Variants in MIS18BP1 observed in about 807,000 individuals in gnomAD.
MIS18BP1 encodes the protein MIS18 binding protein 1, also known as mis18-binding protein 1.
A neutral mutation model predicts 116.1 loss-of-function variants in MIS18BP1; 72 were observed. The observed-to-expected ratio is 0.62, with a 90% CI of 0.51 to 0.75. MIS18BP1 has a LOEUF of 0.75. Ranked by LOEUF, MIS18BP1 falls within the 30% of genes least tolerant of loss-of-function variation. The pLI is 0.00. For missense variants in MIS18BP1, 1,363 were observed against 1,303.2 expected, an observed-to-expected ratio of 1.05 and a Z score of -0.71; for synonymous variants, 386 against 427.0, an observed-to-expected ratio of 0.90 and a Z score of 1.18.
intron 1 of MIS18BP1, among the ~76,000 whole-genome samples, chr14:45,251,493 G>T (rs1208153864): frequency 8.5e-5 from 13 of 152,092 alleles, no homozygotes; most frequent in Non-Finnish European, 1.2e-4. Context: ...GAAAGTTCTT[G>T]TAAGAATTTA....
rs1257096195 is a variant in MIS18BP1 at position 45,204,154 on chromosome 14, A to G, written c.3354T>C (p.Asp1118=). 1.9e-6 allele frequency: 3 copies of G among 1,611,726 alleles called. No individual in the cohort carries two copies. In the African/African-American group the frequency reaches 4.0e-5, roughly 22 times the overall value. Residue 1118 remains aspartate (D), a synonymous_variant, in exon 17 of 17, where the codon GAT becomes GAC. Transcript: ENST00000310806. ...KLFTNAVESL[D]EEEKDYYFSN... Reference sequence around the variant, plus strand: ...AAAAATAATAATCTTTCTCTTCTTCATCTAAAGATTCCACAGCATTAGTGA... The same window carrying G: ...AAAAATAATAATCTTTCTCTTCTTCGTCTAAAGATTCCACAGCATTAGTGA...
chr14:45,246,995 T>G lies in MIS18BP1; in HGVS notation c.292A>C (p.Asn98His). Residue 98 changes from asparagine (N) to histidine (H), a missense_variant, in exon 2 of 17, where the codon AAC becomes CAC. Physicochemically the swap from Asn to His is moderately conservative, Grantham distance 68. Transcript: ENST00000310806. ...SSLDISAIKP[N>H]KDGLKNKANY... ...GCTTTATTTTTTAATCCATCCTTGT[T>G]GGGCTTTATAGCACTGATATCAAGA... 1 of 1,612,710 alleles carries G rather than the reference T, an allele frequency of 6.2e-7. No homozygotes were observed. The highest frequency in any genetic ancestry group is 8.5e-7 in the Non-Finnish European group (1 of 1,179,780).
intron 5 of MIS18BP1, 131 bp downstream of exon 5, chr14:45,237,516 AC>A (rs1891461863): frequency 1.9e-6 from 2 of 1,046,724 alleles, no homozygotes; most frequent in Non-Finnish European, 2.6e-6. Context: ...CAGTAATTTT[AC>A]TTTTTTGCCT....
intron 1 of MIS18BP1, among the ~76,000 whole-genome samples, chr14:45,248,728 T>C (rs1038265417): frequency 4.6e-5 from 7 of 152,146 alleles, no homozygotes; most frequent in African/African-American, 1.4e-4. Flanking sequence ...AAGGAAAATA[T>C]TCCTAAATTA....
At chr14:45,242,635 GTC>G (rs1891613323) in intron 3 of MIS18BP1, 117 bp from the exon 4 acceptor site, 1 of 1,460,026 alleles carries the variant, frequency 6.8e-7, no homozygotes, top group Non-Finnish European at 9.1e-7. Context: ...TTCTCTGAGT[GTC>G]TCTTTTACGA....
chr14:45,235,584 C>T (rs1424569588), intron 6 of MIS18BP1, among the ~76,000 whole-genome samples: 1 of 120,028 alleles, frequency 8.3e-6, no homozygotes, highest in Non-Finnish European at 1.7e-5. Flanking sequence ...AGCAAGACTC[C>T]ATTTCCAAAA....
intron 2 of MIS18BP1, among the ~76,000 whole-genome samples, chr14:45,243,758 T>C (rs568052716): frequency 4.6e-5 from 7 of 152,262 alleles, no homozygotes; most frequent in South Asian, 2.1e-4. Flanking sequence ...AATTCAGTAG[T>C]AATTCAATCA....
chr14:45,240,815 T>C (rs1891555410), intron 4 of MIS18BP1, among the ~76,000 whole-genome samples: 1 of 151,988 alleles, frequency 6.6e-6, no homozygotes, highest in South Asian at 2.1e-4. Context: ...GGCAGGAGAT[T>C]TGCATGAACC....
Position 45,233,868 on chromosome 14 carries a change from T to C in MIS18BP1, c.1349-1048A>G, listed in dbSNP as rs958135532. ...GTCAAATAAGCAGGTGGAAAATGAA[T>C]TGGGTACTAAGGGGAGAGGTCTTGG... is the stretch of plus-strand genomic sequence containing the variant. On this transcript the variant is annotated intron_variant, in intron 6 of 16. Coordinates refer to ENST00000310806, the MANE Select transcript of MIS18BP1 (RefSeq NM_018353.5). 2.6e-5 allele frequency among the ~76,000 whole-genome samples: 4 copies of C among 152,218 alleles called. No homozygotes were observed. In the South Asian group the frequency reaches 8.3e-4, roughly 32 times the overall value.
chr14:45,252,831 T>C (rs1047580770), intron 1 of MIS18BP1, among the ~76,000 whole-genome samples: 6 of 151,972 alleles, frequency 3.9e-5, no homozygotes, highest in Non-Finnish European at 8.8e-5. Flanking sequence ...CGAAATAAAT[T>C]TGAGCAATCG....
intron 1 of MIS18BP1, among the ~76,000 whole-genome samples, chr14:45,248,290 C>G (rs1420844115): frequency 1.3e-5 from 2 of 152,084 alleles, no homozygotes; most frequent in East Asian, 3.9e-4. Flanking sequence ...TGGTCTCAAA[C>G]TCCTGACCTC....
intron 8 of MIS18BP1, among the ~76,000 whole-genome samples, chr14:45,229,503 CAAA>C (rs756276073): frequency 2.7e-5 from 3 of 111,760 alleles, no homozygotes; most frequent in Non-Finnish European, 1.9e-5. Context: ...GACCCTGTCT[CAAA>C]AAAAAAAAAA....
intron 11 of MIS18BP1, among the ~76,000 whole-genome samples, chr14:45,219,241 T>C (rs1445256457): frequency 6.6e-6 from 1 of 152,254 alleles, no homozygotes; most frequent in Non-Finnish European, 1.5e-5. Flanking sequence ...AAAATATTTT[T>C]ATTTCTACTT....
intron 7 of MIS18BP1, 182 bp downstream of exon 7, chr14:45,232,551 T>C (rs920693551): frequency 1.1e-5 from 6 of 571,332 alleles, no homozygotes; most frequent in African/African-American, 7.7e-5. Flanking sequence ...TCCCAACACT[T>C]TGGGAGGCTG....
At chr14:45,230,726 C>T (rs1891250100) in intron 8 of MIS18BP1, among the ~76,000 whole-genome samples, 1 of 152,110 alleles carries the variant, frequency 6.6e-6, no homozygotes, top group African/African-American at 2.4e-5. Context: ...CTCAAGCGAT[C>T]CTCCCACCTT....
intron 12 of MIS18BP1, 114 bp downstream of exon 12, chr14:45,218,168 A>C (rs1890873340): frequency 3.4e-6 from 4 of 1,191,134 alleles, no homozygotes; most frequent in African/African-American, 3.2e-5. Context: ...CTAGCTTTAA[A>C]ATTTTAAGAA....
At chr14:45,221,924 T>G (rs1890987385) in intron 11 of MIS18BP1, among the ~76,000 whole-genome samples, 1 of 152,222 alleles carries the variant, frequency 6.6e-6, no homozygotes, top group Non-Finnish European at 1.5e-5. Context: ...TTTTGAGGTT[T>G]TATTGTCAGG....
intron 10 of MIS18BP1, among the ~76,000 whole-genome samples, chr14:45,226,128 G>C (rs1891116532): frequency 1.3e-5 from 2 of 152,070 alleles, no homozygotes; most frequent in Non-Finnish European, 2.9e-5. Flanking sequence ...CAGAGTATTT[G>C]TTAATTTTAA....
At chr14:45,210,349 G>A in intron 14 of MIS18BP1, 31 bp downstream of exon 14, 2 of 1,603,924 alleles carry the variant, frequency 1.2e-6, no homozygotes, top group Non-Finnish European at 1.7e-6. Context: ...CTGATGCAGA[G>A]AATTAACATA....
Sources: gnomAD v4.1 joint callset for allele counts (sites outside exome capture counted in the v4.1 genomes callset) on GRCh38, gnomAD v4.1.1 for gene constraint, MANE v1.5 for transcripts, NCBI Gene and HGNC (gene_info 2026-07-23, HGNC 2026-07-21) for gene names.